The following MAP4 variants were observed in gnomAD, a reference collection of about 807,000 sequenced individuals.
MAP4 encodes the protein microtubule associated protein 4, also known as microtubule-associated protein 4.
A neutral mutation model predicts 170.2 loss-of-function variants in MAP4; 76 were observed. The ratio of observed to expected loss-of-function variants is 0.45; its 90% confidence interval spans 0.37 to 0.54. The LOEUF (loss-of-function observed/expected upper bound fraction) is 0.54. Ranked by LOEUF, MAP4 falls within the 20% of genes least tolerant of loss-of-function variation. MAP4 has a pLI of 0.00. For synonymous variants in MAP4, 909 were observed against 994.5 expected (o/e 0.91, Z 1.62); for missense variants, 2,506 against 2,748.0 (o/e 0.91, Z 1.97).
chr3:48,049,569 T>C (rs186718888), intron 1 of MAP4, among the ~76,000 whole-genome samples: 10 of 152,038 alleles, frequency 6.6e-5, no homozygotes, highest in Admixed American at 1.3e-4. Flanking sequence ...CAGTGAGCAA[T>C]GATGGCACCA....
chr3:47,945,249 G>C (rs2100059065), intron 3 of MAP4, among the ~76,000 whole-genome samples: 1 of 152,012 alleles, frequency 6.6e-6, no homozygotes, highest in East Asian at 1.9e-4. Context: ...CTACTCGGGA[G>C]GCTGAGACAG....
chr3:47,859,586 T>A (rs902467070), intron 17 of MAP4, among the ~76,000 whole-genome samples: 1 of 152,212 alleles, frequency 6.6e-6, no homozygotes, highest in African/African-American at 2.4e-5. Flanking sequence ...AAAGGTGCCT[T>A]CCATACGGCC....
At position 47,977,898 on chromosome 3, in the gene MAP4, C is replaced by G. The variant is rs924237401; in HGVS notation, c.259G>C (p.Gly87Arg). ...TCGCTCCCTTCTACTCCATGACCACCATTGGCTAGGAGTGTTGGTTTAGAA... is the reference window on the plus strand; with the variant it reads ...TCGCTCCCTTCTACTCCATGACCACGATTGGCTAGGAGTGTTGGTTTAGAA... Reference protein sequence around the residue: ...PSSKPTLLANGGHGVEGSDTT... With the variant: ...PSSKPTLLANRGHGVEGSDTT... Residue 87 changes from glycine to arginine, a missense_variant, in exon 3 of 21, where the codon GGT becomes CGT. Physicochemically the swap from Gly to Arg is moderately radical, Grantham distance 125. Transcript: ENST00000683076. 6.2e-7 allele frequency: 1 copy of G among 1,612,958 alleles called. No homozygotes were observed. Among genetic ancestry groups the G allele is most frequent in the Non-Finnish European group, 8.5e-7 (1 of 1,179,178 alleles).
intron 1 of MAP4, among the ~76,000 whole-genome samples, chr3:48,071,325 C>T (rs1189956432): frequency 5.3e-5 from 8 of 151,322 alleles, no homozygotes; most frequent in Non-Finnish European, 1.0e-4. Context: ...GCAGATCGCT[C>T]GAGCTCAGGA....
intron 17 of MAP4, among the ~76,000 whole-genome samples, chr3:47,863,411 C>T (rs2071876140): frequency 6.6e-6 from 1 of 152,146 alleles, no homozygotes. Context: ...TCCCCCACAC[C>T]ACCCTGCCTC....
At chr3:47,858,953 C>T (rs1031499411) in intron 17 of MAP4, among the ~76,000 whole-genome samples, 1 of 151,994 alleles carries the variant, frequency 6.6e-6, no homozygotes, top group Non-Finnish European at 1.5e-5. Context: ...ATGGTGAAAC[C>T]CCGTCTCTAC....
chr3:47,949,782 A>G (rs2100062490), intron 3 of MAP4, among the ~76,000 whole-genome samples: 1 of 152,228 alleles, frequency 6.6e-6, no homozygotes, highest in Non-Finnish European at 1.5e-5. Flanking sequence ...TACAGGAGGA[A>G]GAGGATTTCC....
intron 10 of MAP4, among the ~76,000 whole-genome samples, chr3:47,878,585 G>C (rs2096000837): frequency 6.6e-6 from 1 of 152,078 alleles, no homozygotes; most frequent in South Asian, 2.1e-4. Context: ...TGTCACCCAG[G>C]CTGGAGTGCA....
In MAP4 at chr3:47,877,414, T is replaced by C; in HGVS notation, c.5541+3A>G. On this transcript the variant is annotated splice_donor_region_variant and intron_variant, in intron 11 of 20. Coordinates refer to ENST00000683076, the MANE Select transcript of MAP4 (RefSeq NM_001385682.1). ...AGAAGATAACCACCATTCTGGCACC[T>C]ACCTTTGTTTTCTTCTCTGGGCTTG... 2 of 1,611,470 alleles carry C rather than the reference T, an allele frequency of 1.2e-6. No homozygotes were observed. The highest frequency in any genetic ancestry group is 1.7e-6 in the Non-Finnish European group (2 of 1,177,580).
chr3:47,972,682 C>T (rs894574199), intron 3 of MAP4, among the ~76,000 whole-genome samples: 2 of 152,012 alleles, frequency 1.3e-5, no homozygotes, highest in East Asian at 3.9e-4. Flanking sequence ...GTCAGGAGAT[C>T]GAGACCATCC....
At position 47,877,416 on chromosome 3, in the gene MAP4, C is replaced by T; in HGVS notation, c.5541+1G>A. ...AAGATAACCACCATTCTGGCACCTA[C>T]CTTTGTTTTCTTCTCTGGGCTTGGT... On this transcript the variant is annotated splice_donor_variant, in intron 11 of 20. Transcript: ENST00000683076. LOFTEE classifies it high-confidence loss of function. The T allele has an allele frequency of 6.2e-7, 1 of 1,612,242 alleles. No individual in the cohort carries two copies. The highest frequency in any genetic ancestry group is 8.5e-7 in the Non-Finnish European group (1 of 1,178,340).
chr3:48,020,753 G>A (rs1312350070), upstream of MAP4, among the ~76,000 whole-genome samples: 2 of 151,936 alleles, frequency 1.3e-5, no homozygotes, highest in African/African-American at 4.8e-5. Flanking sequence ...AATTGTTCAG[G>A]GACAGGGTTA....
At chr3:48,055,194 C>CCG (rs1249720496) in intron 1 of MAP4, among the ~76,000 whole-genome samples, 5 of 98,652 alleles carry the variant, frequency 5.1e-5, no homozygotes, top group African/African-American at 1.5e-4. Flanking sequence ...CTCCCTCTCC[C>CCG]TCTCCGTCTC....
intron 8 of MAP4, among the ~76,000 whole-genome samples, chr3:47,913,006 A>G (rs1407605631): frequency 3.3e-5 from 5 of 152,238 alleles, no homozygotes; most frequent in Admixed American, 3.3e-4. Flanking sequence ...TTTTGGTCAG[A>G]GAAAAATTCT....
In MAP4 at chr3:47,853,295, G is replaced by A. The variant is rs769312034; in HGVS notation, c.6754C>T (p.Pro2252Ser). 2.6e-5 allele frequency: 42 copies of A among 1,610,766 alleles called. No homozygotes were observed. The Admixed American group carries it at 2.8e-4, about 11-fold the overall frequency. Reference protein sequence around the residue: ...LCPGPPAGEEPAISEAAPEAG... With the variant: ...LCPGPPAGEESAISEAAPEAG... Reference sequence around the variant, plus strand: ...TCAGGCGCTGCCTCAGAGATGGCCGGCTCCTCCCCAGCAGGGGGACCCGGA... The same window carrying A: ...TCAGGCGCTGCCTCAGAGATGGCCGACTCCTCCCCAGCAGGGGGACCCGGA... The change falls in exon 20 of 21, where the codon CCG (proline) becomes TCG (serine). Residue 2252 changes from proline to serine, a missense_variant. Coordinates refer to ENST00000683076, the MANE Select transcript of MAP4 (RefSeq NM_001385682.1).
chr3:47,981,022 T>A (rs996057551), intron 2 of MAP4, among the ~76,000 whole-genome samples: 1 of 152,194 alleles, frequency 6.6e-6, no homozygotes. Flanking sequence ...ATGAGACAAT[T>A]TGGCAGCCTA....
chr3:48,063,613 G>A (rs1038431876), intron 1 of MAP4, among the ~76,000 whole-genome samples: 5 of 151,880 alleles, frequency 3.3e-5, no homozygotes, highest in Non-Finnish European at 7.4e-5. Context: ...TTTAATAGGT[G>A]AATGGATAAG....
In MAP4 at chr3:47,852,261, G is replaced by A. The variant is rs1367871063; in HGVS notation, c.*673C>T. On this transcript the variant is annotated 3_prime_UTR_variant, in exon 21 of 21. Transcript: ENST00000683076. ...TTAGGTTATTAGAAAAAAATAAAAG[G>A]ACAAAACAAGAAAAATGTGACAGCA... 1 of 154,492 alleles carries A rather than the reference G, an allele frequency of 6.5e-6. No individual in the cohort carries two copies. Among genetic ancestry groups the A allele is most frequent in the Non-Finnish European group, 1.4e-5 (1 of 69,762 alleles). 9.6% of individuals were successfully genotyped at this position (154,492 alleles called of 1,614,324 possible).
intron 17 of MAP4, among the ~76,000 whole-genome samples, chr3:47,865,363 G>T (rs1244476791): frequency 2.0e-5 from 3 of 152,168 alleles, no homozygotes; most frequent in East Asian, 3.9e-4. Context: ...GCCCCTCGTG[G>T]GCTGGATCTT....
Sources: gnomAD v4.1 joint callset for allele counts (sites outside exome capture counted in the v4.1 genomes callset) on GRCh38, gnomAD v4.1.1 for gene constraint, MANE v1.5 for transcripts, NCBI Gene and HGNC (gene_info 2026-07-23, HGNC 2026-07-21) for gene names.